RBFOX3: variants seen among roughly 807,000 people sequenced by gnomAD.
RBFOX3 encodes RNA binding fox-1 homolog 3, also known as RNA binding protein fox-1 homolog 3.
RBFOX3 carries 17 observed loss-of-function variants against 48.7 expected under a neutral mutation model. That is an observed-to-expected ratio of 0.35 (90% CI 0.24 to 0.52). The LOEUF is 0.52. Among genes scored for constraint, RBFOX3 ranks in the 20% least tolerant of loss-of-function variants. RBFOX3 has a pLI of 0.94. For synonymous variants in RBFOX3, 212 were observed against 209.5 expected (o/e 1.01, Z -0.10); for missense variants, 382 against 497.5 (o/e 0.77, Z 2.21).
intron 2 of RBFOX3, among the ~76,000 whole-genome samples, chr17:79,369,496 G>A (rs376724486): frequency 3.8e-4 from 58 of 152,050 alleles, no homozygotes; most frequent in African/African-American, 1.1e-3. Context: ...GGATCCCCTC[G>A]AACACCAGGC....
intron 14 of RBFOX3, 142 bp from the exon 15 acceptor site, chr17:79,091,027 T>A: frequency 1.2e-6 from 1 of 842,934 alleles, no homozygotes; most frequent in South Asian, 1.8e-5. Flanking sequence ...TCCAGGACCC[T>A]CATCTTCCAG....
chr17:79,252,560 T>C lies in RBFOX3; in HGVS notation c.-73-16755A>G, dbSNP rs2064131436. ...GAGGCAGTGGACTCTCCCTCGGAAA[T>C]GAGCTCTGATGGTTCCTCGATGGTA... On this transcript the variant is annotated intron_variant, in intron 3 of 14. Coordinates refer to ENST00000693108, the MANE Select transcript of RBFOX3 (RefSeq NM_001350451.2). This position sits in a 1 kb window ranked among gnomAD's most constrained non-coding sequence, Gnocchi z 4.0. Among the ~76,000 whole-genome samples the C allele has an allele frequency of 6.6e-6, 1 of 152,190 alleles. No homozygotes were observed. The highest frequency in any genetic ancestry group is 1.5e-5 in the Non-Finnish European group (1 of 68,020).
At chr17:79,558,940 C>T (rs2091980756) in intron 1 of RBFOX3, among the ~76,000 whole-genome samples, 1 of 152,066 alleles carries the variant, frequency 6.6e-6, no homozygotes, top group Non-Finnish European at 1.5e-5. Flanking sequence ...CAGGTGCCCT[C>T]ACATAGCAAG....
At chr17:79,348,759 T>C (rs1426282372) in intron 2 of RBFOX3, among the ~76,000 whole-genome samples, 1 of 151,808 alleles carries the variant, frequency 6.6e-6, no homozygotes, top group East Asian at 1.9e-4. Context: ...TTTGTATTTT[T>C]AGTAGGGACG....
Position 79,115,494 on chromosome 17 carries a change from C to G in RBFOX3, c.222G>C (p.Pro74=), listed in dbSNP as rs1037097785. The G allele has an allele frequency of 4.5e-6, 6 of 1,326,314 alleles. No homozygotes were observed. Among genetic ancestry groups the G allele is most frequent in the Non-Finnish European group, 4.8e-6 (5 of 1,038,600 alleles). The allele number at this position is 1,326,314 out of a possible 1,614,324, so 82.2% of individuals were successfully genotyped here. The change falls in exon 5 of 15, where the codon CCG becomes CCC. Residue 74 remains proline (P), a splice_region_variant and synonymous_variant. Coordinates refer to ENST00000693108, the MANE Select transcript of RBFOX3 (RefSeq NM_001350451.2). The part of the protein sequence containing the change: ...TQPIAGTQTV[P]QTDEAAQTDS... The stretch of plus-strand genomic sequence containing the variant: ...GGCCTGGGGTCGTGGGGGCCCTTAC[C>G]GGCACTGTCTGGGTCCCGGCGATGG...
At position 79,447,991 on chromosome 17, in the gene RBFOX3, G is replaced by A. The variant is rs782577119; in HGVS notation, c.-175+34463C>T. Among the ~76,000 whole-genome samples the A allele has an allele frequency of 7.2e-5, 11 of 152,162 alleles. No homozygotes were observed. In the East Asian group the frequency reaches 1.2e-3, roughly 16 times the overall value. ...GAAAGTGTGTAGCACCTCCCCCTTC[G>A]CTCTCTCTCCTGCTGCCATGTGAAG... On this transcript the variant is annotated intron_variant, in intron 2 of 14. Coordinates refer to ENST00000693108, the MANE Select transcript of RBFOX3 (RefSeq NM_001350451.2).
upstream of RBFOX3, among the ~76,000 whole-genome samples, chr17:79,612,093 A>G (rs2093973978): frequency 6.6e-6 from 1 of 152,158 alleles, no homozygotes; most frequent in African/African-American, 2.4e-5. Flanking sequence ...TCAGCCCACC[A>G]CTGGCACACA....
chr17:79,560,028 G>A (rs1189048150), intron 1 of RBFOX3, among the ~76,000 whole-genome samples: 1 of 131,734 alleles, frequency 7.6e-6, no homozygotes, highest in Non-Finnish European at 1.6e-5. Flanking sequence ...GTGGGTGTAT[G>A]GATGAATGAA....
At chr17:79,662,751 G>A in the RBFOX3 span, among the ~76,000 whole-genome samples, 127,567 of 152,154 alleles carry the variant, frequency 0.84, 54,562 homozygotes, top group Non-Finnish European at 0.93. Context: ...CCAATAAAAA[G>A]TTTGTAGAGG....
intron 2 of RBFOX3, among the ~76,000 whole-genome samples, chr17:79,337,218 G>T (rs566273117): frequency 2.0e-5 from 3 of 152,082 alleles, no homozygotes; most frequent in Admixed American, 1.3e-4. Context: ...CAGACTCCAG[G>T]CTAGGACTTT....
Position 79,240,274 on chromosome 17 carries a change from A to C in RBFOX3, c.-73-4469T>G, listed in dbSNP as rs149427036. ...TAGTAAAACTCATCGTTAGTGGATC[A>C]TGCAAGACAACTGGCCAGAAAAAAA... On this transcript the variant is annotated intron_variant, in intron 3 of 14. Coordinates refer to ENST00000693108, the MANE Select transcript of RBFOX3 (RefSeq NM_001350451.2). Among the ~76,000 whole-genome samples the C allele has an allele frequency of 4.8e-3, 726 of 152,356 alleles. 4 individuals are homozygous for C. The highest frequency in any genetic ancestry group is 0.017 in the African/African-American group (698 of 41,572).
At chr17:79,301,518 C>T (rs2075311674) in intron 3 of RBFOX3, among the ~76,000 whole-genome samples, 1 of 152,238 alleles carries the variant, frequency 6.6e-6, no homozygotes, top group Admixed American at 6.5e-5. Flanking sequence ...ACCTAAAGGC[C>T]ATCCACAGGC....
intron 2 of RBFOX3, among the ~76,000 whole-genome samples, chr17:79,460,099 G>A (rs989589355): frequency 6.6e-6 from 1 of 152,156 alleles, no homozygotes; most frequent in Non-Finnish European, 1.5e-5. Flanking sequence ...CAAGGGCTAC[G>A]GGAGGGGATG....
chr17:79,319,473 A>C (rs1233848905), intron 2 of RBFOX3, among the ~76,000 whole-genome samples: 2 of 151,870 alleles, frequency 1.3e-5, no homozygotes, highest in Non-Finnish European at 2.9e-5. Flanking sequence ...TCCTGAGAGA[A>C]CCCCCTCCAA....
At chr17:79,360,882 AAT>A (rs2086212485) in intron 2 of RBFOX3, among the ~76,000 whole-genome samples, 1 of 151,276 alleles carries the variant, frequency 6.6e-6, no homozygotes, top group Non-Finnish European at 1.5e-5. Flanking sequence ...GGGGAGTGGC[AAT>A]ATGAGTTTGA....
intron 1 of RBFOX3, among the ~76,000 whole-genome samples, chr17:79,528,075 C>T (rs935950920): frequency 2.3e-4 from 35 of 151,478 alleles, no homozygotes; most frequent in Middle Eastern, 3.4e-3. Context: ...TTAGTTGAAA[C>T]CCTGAGGTAT....
At chr17:79,469,951 C>T (rs2076857769) in intron 2 of RBFOX3, among the ~76,000 whole-genome samples, 1 of 152,076 alleles carries the variant, frequency 6.6e-6, no homozygotes, top group African/African-American at 2.4e-5. Context: ...TCATCGTCTC[C>T]AGCCCATAGC....
At chr17:79,095,694 TTCCCAGCC>T (rs376473343) in intron 12 of RBFOX3, 120 bp from the exon 13 acceptor site, 2 of 818,798 alleles carry the variant, frequency 2.4e-6, no homozygotes, top group Admixed American at 2.4e-5. Context: ...ACTACAGACC[TTCCCAGCC>T]TCCCAGCCTC....
At chr17:79,408,268 A>C (rs1436929020) in intron 2 of RBFOX3, among the ~76,000 whole-genome samples, 1 of 152,182 alleles carries the variant, frequency 6.6e-6, no homozygotes, top group African/African-American at 2.4e-5. Context: ...CACAGTGAGA[A>C]GTGCCCCACC....
Sources: allele counts gnomAD v4.1 joint callset (sites outside exome capture counted in the v4.1 genomes callset), GRCh38; gene constraint gnomAD v4.1.1; non-coding constraint Gnocchi (gnomAD v3.1); transcripts MANE v1.5; gene names NCBI Gene and HGNC (gene_info 2026-07-23, HGNC 2026-07-21).